Variants in TBC1D32 observed in about 807,000 individuals in gnomAD.
TBC1D32 encodes the protein TBC1 domain family member 32.
In TBC1D32, 151 loss-of-function variants were observed where a neutral mutation model predicts 170.3. That is an observed-to-expected ratio of 0.89 (90% CI 0.78 to 1.01). TBC1D32 has a LOEUF of 1.01. Among genes scored for constraint, TBC1D32 ranks in the 50% least tolerant of loss-of-function variants. The pLI, the probability that TBC1D32 is intolerant of heterozygous loss-of-function variation, is 0.00. For missense variants in TBC1D32, 1,464 were observed against 1,457.1 expected (o/e 1.00, Z -0.08); for synonymous variants, 498 against 488.0 (o/e 1.02, Z -0.27).
chr6:121,263,746 C>A (rs574073135), intron 15 of TBC1D32, among the ~76,000 whole-genome samples: 3 of 152,312 alleles, frequency 2.0e-5, no homozygotes, highest in African/African-American at 7.2e-5. Flanking sequence ...TATAGACAGT[C>A]TCTCAAACCA....
intron 12 of TBC1D32, among the ~76,000 whole-genome samples, chr6:121,287,682 C>T (rs183296395): frequency 6.6e-6 from 1 of 152,136 alleles, no homozygotes; most frequent in Admixed American, 6.5e-5. Context: ...CTCTCCACCC[C>T]AAATCAACAG....
chr6:121,181,827 T>C (rs1006723412), intron 22 of TBC1D32, among the ~76,000 whole-genome samples: 9 of 152,032 alleles, frequency 5.9e-5, no homozygotes, highest in African/African-American at 2.2e-4. Context: ...TGCAACAACA[T>C]CGATGGAACT....
intron 30 of TBC1D32, among the ~76,000 whole-genome samples, chr6:121,092,533 C>T (rs1776932855): frequency 6.6e-6 from 1 of 151,972 alleles, no homozygotes; most frequent in African/African-American, 2.4e-5. Flanking sequence ...CTTGAACAAA[C>T]TAACACGTAT....
intron 14 of TBC1D32, among the ~76,000 whole-genome samples, chr6:121,280,198 T>TCC (rs202104562): frequency 9.1e-4 from 3 of 3,308 alleles, no homozygotes; most frequent in African/African-American, 1.1e-3. Context: ...ATTCCTTCTT[T>TCC]CACGAGACTA....
intron 1 of TBC1D32, among the ~76,000 whole-genome samples, chr6:121,325,439 G>T (rs141492669): frequency 0.095 from 14,493 of 151,954 alleles, 1,227 homozygotes; most frequent in African/African-American, 0.22. Flanking sequence ...TAGACCAATG[G>T]AACAGAACAG....
At chr6:121,197,819 C>T (rs1022803364) in intron 22 of TBC1D32, among the ~76,000 whole-genome samples, 3 of 152,120 alleles carry the variant, frequency 2.0e-5, no homozygotes, top group African/African-American at 7.2e-5. Context: ...ATACAAAGTA[C>T]TGATCCCGGG....
At position 121,289,724 on chromosome 6, in the gene TBC1D32, C is replaced by A. The variant is rs1193435172; in HGVS notation, c.1372+2329G>T. Reference sequence around the variant, plus strand: ...TAAGCCAAAAGAACAAAGCTGGAGGCATCAGGCTACCTGACTTCAAACTAT... The same window carrying A: ...TAAGCCAAAAGAACAAAGCTGGAGGAATCAGGCTACCTGACTTCAAACTAT... On this transcript the variant is annotated intron_variant, in intron 12 of 31. Transcript: ENST00000398212. Among the ~76,000 whole-genome samples, 4 of 152,226 alleles carry A rather than the reference C, an allele frequency of 2.6e-5. No homozygotes were observed. In the East Asian group the frequency reaches 7.7e-4, roughly 29 times the overall value.
At chr6:121,260,332 G>C (rs1241580413) in intron 15 of TBC1D32, among the ~76,000 whole-genome samples, 1 of 152,008 alleles carries the variant, frequency 6.6e-6, no homozygotes, top group Non-Finnish European at 1.5e-5. Flanking sequence ...TAGGTAAAAA[G>C]AACTTACACT....
At chr6:121,140,399 T>C (rs1390309187) in intron 24 of TBC1D32, among the ~76,000 whole-genome samples, 1 of 151,956 alleles carries the variant, frequency 6.6e-6, no homozygotes, top group East Asian at 1.9e-4. Flanking sequence ...AAATGATCTG[T>C]TTTCTCATAG....
At chr6:121,256,348 C>T (rs79644125) in intron 15 of TBC1D32, 63 bp from the exon 16 acceptor site, 28,286 of 1,407,942 alleles carry the variant, frequency 0.02, 1,083 homozygotes, top group East Asian at 0.14. Context: ...TAAAGCTCTA[C>T]CAAAAAGGCT....
rs1426255010 is a variant in TBC1D32 at position 121,080,444 on chromosome 6, G to C, written c.*327C>G. 1 of 245,830 alleles carries C rather than the reference G, an allele frequency of 4.1e-6. No homozygotes were observed. The highest frequency in any genetic ancestry group is 4.6e-5 in the Admixed American group (1 of 21,590). 15.2% of individuals were successfully genotyped at this position (245,830 alleles called of 1,614,324 possible). On this transcript the variant is annotated 3_prime_UTR_variant, in exon 32 of 32. Coordinates refer to ENST00000398212, the MANE Select transcript of TBC1D32 (RefSeq NM_152730.6). ...TTGGCCAGGATGGTCTCGATCTCTT[G>C]ACCTCGTGATCCGCCCACCTCAGAC...
Position 121,223,344 on chromosome 6 carries a change from TA to T in TBC1D32, c.2372del (p.Leu791Ter). The T allele has an allele frequency of 3.2e-6, 5 of 1,580,228 alleles. No individual in the cohort carries two copies. Among genetic ancestry groups the T allele is most frequent in the East Asian group, 2.3e-5 (1 of 43,646 alleles). The stretch of plus-strand genomic sequence containing the variant: ...GATAGGATAACAAGTTCACCAGTGC[TA>T]AAAAAGACTAGAGGGAAAGAAAACA... ...PIDRSCQKSF[L>X]ALVNLLSYPA... On this transcript the variant is annotated frameshift_variant, in exon 21 of 32. Coordinates refer to ENST00000398212, the MANE Select transcript of TBC1D32 (RefSeq NM_152730.6). LOFTEE classifies it high-confidence loss of function.
At chr6:121,172,665 T>C (rs755320992) in intron 22 of TBC1D32, among the ~76,000 whole-genome samples, 10 of 152,210 alleles carry the variant, frequency 6.6e-5, no homozygotes, top group East Asian at 1.9e-4. Context: ...GCTGCAGAAA[T>C]GAGAACTGTA....
At chr6:121,251,074 AAG>A (rs1489065196) in intron 17 of TBC1D32, among the ~76,000 whole-genome samples, 5 of 152,084 alleles carry the variant, frequency 3.3e-5, no homozygotes, top group African/African-American at 1.2e-4. Context: ...TCAAGGAAAT[AAG>A]AGAGGAGACA....
At chr6:121,122,216 C>T (rs147238644) in intron 26 of TBC1D32, among the ~76,000 whole-genome samples, 1,706 of 152,034 alleles carry the variant, frequency 0.011, 6 homozygotes, top group Middle Eastern at 0.021. Context: ...AACTTCTCAC[C>T]GTCTCCATTA....
intron 24 of TBC1D32, among the ~76,000 whole-genome samples, chr6:121,155,408 T>C (rs1244589135): frequency 6.6e-6 from 1 of 152,152 alleles, no homozygotes; most frequent in Non-Finnish European, 1.5e-5. Context: ...ATTAGAATCC[T>C]AGGGTTTTCT....
chr6:121,108,330 ATTTG>A (rs1234165145), intron 29 of TBC1D32, among the ~76,000 whole-genome samples: 1 of 151,998 alleles, frequency 6.6e-6, no homozygotes, highest in African/African-American at 2.4e-5. Context: ...TTTTGATGTA[ATTTG>A]TTTATCACTC....
intron 24 of TBC1D32, among the ~76,000 whole-genome samples, chr6:121,146,352 T>C (rs892232233): frequency 1.3e-5 from 2 of 152,122 alleles, no homozygotes; most frequent in African/African-American, 2.4e-5. Context: ...AATGGAGAAA[T>C]TGGTTTTCAC....
At chr6:121,295,098 TA>T (rs138480077) in intron 10 of TBC1D32, among the ~76,000 whole-genome samples, 4,963 of 151,848 alleles carry the variant, frequency 0.033, 188 homozygotes, top group East Asian at 0.12. Flanking sequence ...TAAAAACTGA[TA>T]AAAGAAAATT....
Sources: allele counts gnomAD v4.1 joint callset (sites outside exome capture counted in the v4.1 genomes callset), GRCh38; gene constraint gnomAD v4.1.1; transcripts MANE v1.5; gene names NCBI Gene and HGNC (gene_info 2026-07-23, HGNC 2026-07-21).